ZNF236: variants seen among roughly 807,000 people sequenced by gnomAD.
The protein encoded by ZNF236 is zinc finger protein 236.
Under a neutral mutation model 191.2 loss-of-function variants are expected in ZNF236, and 50 were observed. That is an observed-to-expected ratio of 0.26 (90% confidence interval 0.21 to 0.33). ZNF236 has a LOEUF of 0.33. Among genes scored for constraint, ZNF236 ranks in the 10% least tolerant of loss-of-function variants. The pLI, the probability that ZNF236 is intolerant of heterozygous loss-of-function variation, is 1.00. For missense variants in ZNF236, 1,754 were observed against 2,374.5 expected, an observed-to-expected ratio of 0.74 and a Z score of 5.43; for synonymous variants, 907 against 928.8, an observed-to-expected ratio of 0.98 and a Z score of 0.43.
rs942500976 is a variant in ZNF236 at position 76,952,395 on chromosome 18, G to T, written c.4915-3590G>T. Among the ~76,000 whole-genome samples, 6 of 152,206 alleles carry T rather than the reference G, an allele frequency of 3.9e-5. No homozygotes were observed. In the East Asian group the frequency reaches 5.8e-4, roughly 15 times the overall value. ...TCCTAATGCTTTCTTGTCACAGATG[G>T]AATGCACATTGACGCTTCCAGGCTC... On this transcript the variant is annotated intron_variant, in intron 27 of 30. Transcript: ENST00000320610.
At chr18:76,830,718 T>C (rs952765561) in intron 1 of ZNF236, among the ~76,000 whole-genome samples, 1 of 152,244 alleles carries the variant, frequency 6.6e-6, no homozygotes, top group Non-Finnish European at 1.5e-5. Context: ...AAAGCCGTCC[T>C]GGGCTGCATG....
At chr18:76,855,630 A>G (rs1223863835) in intron 3 of ZNF236, among the ~76,000 whole-genome samples, 3 of 152,240 alleles carry the variant, frequency 2.0e-5, no homozygotes, top group African/African-American at 7.2e-5. Flanking sequence ...TGTTAGGCAT[A>G]TAGGTTGTTT....
rs776018865 is a variant in ZNF236, at chr18:76,866,885, G to A, written c.364-1800G>A. Among the ~76,000 whole-genome samples the A allele has an allele frequency of 2.7e-3, 408 of 152,292 alleles. 1 individual carries two copies. Among genetic ancestry groups the A allele is most frequent in the Non-Finnish European group, 4.1e-3 (280 of 68,016 alleles). On this transcript the variant is annotated intron_variant, in intron 3 of 30. Coordinates refer to ENST00000320610, the MANE Select transcript of ZNF236 (RefSeq NM_001306089.2). Reference sequence around the variant, plus strand: ...GCAGGAGAGAAAGCAGAAAGACAGTGATGTAGCCGTCTGTAAGCTGGCAGG... The same window carrying A: ...GCAGGAGAGAAAGCAGAAAGACAGTAATGTAGCCGTCTGTAAGCTGGCAGG...
intron 3 of ZNF236, among the ~76,000 whole-genome samples, chr18:76,853,628 G>T (rs958419536): frequency 2.0e-5 from 3 of 152,216 alleles, no homozygotes; most frequent in Non-Finnish European, 4.4e-5. Flanking sequence ...TTGGTCAAAG[G>T]CCACAGTATT....
chr18:76,860,716 G>T (rs1023433919), intron 3 of ZNF236, among the ~76,000 whole-genome samples: 3 of 152,190 alleles, frequency 2.0e-5, no homozygotes, highest in African/African-American at 7.2e-5. Flanking sequence ...TGCTGTTGTG[G>T]TTGTAAGAAC....
At position 76,910,151 on chromosome 18, in the gene ZNF236, C is replaced by T. The variant is rs1316152747; in HGVS notation, c.2635C>T (p.Pro879Ser). ...EQSPAQQSFE[P>S]AGLPQGFTVT... ...GAGCCCTGCGCAACAGTCCTTCGAA[C>T]CAGCAGGGCTACCCCAAGGTCAGTG... The change falls in exon 15 of 31, where the codon CCA becomes TCA. Residue 879 changes from proline to serine, a missense_variant. This residue lies in a region of ZNF236 where 641 missense variants were observed against 869.6 expected (regional missense o/e 0.74). Transcript: ENST00000320610. 3.1e-6 allele frequency: 5 copies of T among 1,612,644 alleles called. No homozygotes were observed. The highest frequency in any genetic ancestry group is 2.7e-5 in the African/African-American group (2 of 74,906).
chr18:76,875,416 C>G lies in ZNF236; in HGVS notation c.668-76C>G, dbSNP rs936385805. 3.7e-6 allele frequency: 5 copies of G among 1,366,170 alleles called. No individual in the cohort carries two copies. In the African/African-American group the frequency reaches 5.9e-5, roughly 16 times the overall value. The allele number at this position is 1,366,170 out of a possible 1,614,324, so 84.6% of individuals were successfully genotyped here. ...CTGGAGGGATAGGTTTGGGTAACTT[C>G]AGTGTTGTTCTTTTCAATCCGTAAG... On this transcript the variant is annotated intron_variant, in intron 5 of 30. Transcript: ENST00000320610. The surrounding 1 kb of genome is among the most constrained non-coding windows in gnomAD (Gnocchi z 4.3).
rs1976870417 is a variant in ZNF236 at position 76,880,771 on chromosome 18, C to T, written c.1188+455C>T. On this transcript the variant is annotated intron_variant, in intron 8 of 30. Coordinates refer to ENST00000320610, the MANE Select transcript of ZNF236 (RefSeq NM_001306089.2). The surrounding 1 kb of genome is among the most constrained non-coding windows in gnomAD (Gnocchi z 5.0). ...GTGTGGGAGAGGAGGGGGGCAGGAG[C>T]GCAGAGCCCCCAGCTTTCTAGTCCA... Among the ~76,000 whole-genome samples the T allele has an allele frequency of 6.6e-6, 1 of 152,118 alleles. No individual in the cohort carries two copies. The highest frequency in any genetic ancestry group is 1.5e-5 in the Non-Finnish European group (1 of 68,020).
intron 26 of ZNF236, among the ~76,000 whole-genome samples, chr18:76,942,806 G>A (rs550801912): frequency 7.7e-4 from 115 of 149,224 alleles, no homozygotes; most frequent in Middle Eastern, 3.4e-3. Context: ...GAGCCACCAC[G>A]CCCAGCCTAG....
chr18:76,909,870 A>G (rs752624341), intron 14 of ZNF236, among the ~76,000 whole-genome samples, 198 bp from the exon 15 acceptor site: 34 of 152,248 alleles, frequency 2.2e-4, no homozygotes, highest in Non-Finnish European at 5.0e-4. Flanking sequence ...CAGACGCTAA[A>G]GGCTTTCAGG....
At chr18:76,922,637 A>G (rs1967569619) in intron 20 of ZNF236, among the ~76,000 whole-genome samples, 2 of 151,532 alleles carry the variant, frequency 1.3e-5, no homozygotes, top group African/African-American at 4.9e-5. Context: ...GCTCACTGCA[A>G]CCTCTGCCTC....
intron 27 of ZNF236, 78 bp downstream of exon 27, chr18:76,947,730 G>A: frequency 6.6e-7 from 1 of 1,512,766 alleles, no homozygotes; most frequent in Non-Finnish European, 8.9e-7. Flanking sequence ...GTGGTAGAGG[G>A]TTATGGGCGT....
chr18:76,908,783 G>A (rs1412403660), intron 14 of ZNF236, among the ~76,000 whole-genome samples: 1 of 152,168 alleles, frequency 6.6e-6, no homozygotes, highest in African/African-American at 2.4e-5. Flanking sequence ...CTTAGGGGAA[G>A]TTCTTTTTTG....
At chr18:76,852,071 T>C in intron 3 of ZNF236, 132 bp downstream of exon 3, 1 of 931,022 alleles carries the variant, frequency 1.1e-6, no homozygotes, top group Non-Finnish European at 1.6e-6. Flanking sequence ...GAATTGTCAT[T>C]AGATTTGCCT....
At chr18:76,831,652 C>T (rs1478866105) in intron 1 of ZNF236, among the ~76,000 whole-genome samples, 1 of 152,172 alleles carries the variant, frequency 6.6e-6, no homozygotes, top group African/African-American at 2.4e-5. Flanking sequence ...TTTGTATTCT[C>T]ACCAGGAATG....
chr18:76,943,048 G>A (rs1306188946), intron 26 of ZNF236, among the ~76,000 whole-genome samples: 2 of 149,202 alleles, frequency 1.3e-5, no homozygotes, highest in South Asian at 2.1e-4. Context: ...GCGTGAACCC[G>A]GGAAGTGGAG....
chr18:76,833,360 T>C (rs1228446102), intron 1 of ZNF236, among the ~76,000 whole-genome samples: 1 of 152,142 alleles, frequency 6.6e-6, no homozygotes, highest in East Asian at 1.9e-4. Context: ...GTAGATATTA[T>C]AAGATTACAT....
intron 11 of ZNF236, among the ~76,000 whole-genome samples, chr18:76,899,458 A>G (rs1174652787): frequency 6.6e-6 from 1 of 152,268 alleles, no homozygotes; most frequent in Non-Finnish European, 1.5e-5. Flanking sequence ...TTAGAGACAA[A>G]TAATGTGTAA....
At chr18:76,850,349 A>G (rs2122508291) in intron 2 of ZNF236, among the ~76,000 whole-genome samples, 1 of 152,330 alleles carries the variant, frequency 6.6e-6, no homozygotes, top group Non-Finnish European at 1.5e-5. Context: ...TTTCAGCACA[A>G]ATGGTGCTGC....
Sources: allele counts gnomAD v4.1 joint callset (sites outside exome capture counted in the v4.1 genomes callset), GRCh38; gene constraint gnomAD v4.1.1; regional missense constraint gnomAD v4.1.1; non-coding constraint Gnocchi (gnomAD v3.1); transcripts MANE v1.5; gene names NCBI Gene and HGNC (gene_info 2026-07-23, HGNC 2026-07-21).